LRRC4B: variants seen among roughly 807,000 people sequenced by gnomAD.
The protein encoded by LRRC4B is leucine rich repeat containing 4B, also known as leucine-rich repeat-containing protein 4B.
In LRRC4B, 1 loss-of-function variant was observed where a neutral mutation model predicts 7.3. The ratio of observed to expected loss-of-function variants is 0.14; its 90% CI spans 0.05 to 0.65. LRRC4B has a LOEUF of 0.65. Among genes scored for constraint, LRRC4B ranks in the 30% least tolerant of loss-of-function variants. LRRC4B has a pLI of 0.84. For missense variants in LRRC4B, 730 were observed against 1,041.6 expected (o/e 0.70, Z 4.12); for synonymous variants, 500 against 499.2 (o/e 1.00, Z -0.02).
chr19:50,535,070 G>A lies in LRRC4B; in HGVS notation c.297+13472C>T, dbSNP rs552196206. 1.1e-3 allele frequency among the ~76,000 whole-genome samples: 165 copies of A among 152,132 alleles called. 4 individuals carry two copies. In the East Asian group the frequency reaches 0.023, roughly 21 times the overall value. ...TTTTTAGTAGAGACAGGGTTTCACT[G>A]TGTTAGCCAGGATGGTCTCGATCTC... is the stretch of plus-strand genomic sequence containing the variant. On this transcript the variant is annotated intron_variant, in intron 2 of 2. Transcript: ENST00000652263.
At chr19:50,564,323 C>T (rs1022405230) in intron 1 of LRRC4B, among the ~76,000 whole-genome samples, 4 of 151,954 alleles carry the variant, frequency 2.6e-5, no homozygotes, top group South Asian at 2.1e-4. Context: ...TTGGGCCGCC[C>T]GGAGGACCCC....
intron 2 of LRRC4B, among the ~76,000 whole-genome samples, chr19:50,538,238 T>C (rs1189410000): frequency 6.6e-6 from 1 of 152,216 alleles, no homozygotes; most frequent in East Asian, 1.9e-4. Context: ...AATTTTTGTA[T>C]TTTTGGTAGA....
chr19:50,545,264 G>T (rs988700758), intron 2 of LRRC4B, among the ~76,000 whole-genome samples: 2 of 151,832 alleles, frequency 1.3e-5, no homozygotes, highest in African/African-American at 2.4e-5. Flanking sequence ...AAAATTAGCC[G>T]GGCGTGGTGG....
At position 50,518,890 on chromosome 19, in the gene LRRC4B, C is replaced by G; in HGVS notation, c.823G>C (p.Asp275His). 6.2e-7 allele frequency: 1 copy of G among 1,614,020 alleles called. No homozygotes were observed. Among genetic ancestry groups the G allele is most frequent in the Non-Finnish European group, 8.5e-7 (1 of 1,179,990 alleles). ...VATIERNAFD[D>H]LKSLEELNLS... ...TTGAGCTCCTCCAGCGACTTGAGGT[C>G]GTCGAAGGCGTTGCGCTCGATGGTG... The change falls in exon 3 of 3, where the codon GAC becomes CAC. Residue 275 changes from aspartate to histidine, a missense_variant. Physicochemically the swap from Asp to His is moderately conservative, Grantham distance 81. Around this residue, in one of 6 missense-constraint regions of LRRC4B, gnomAD observed 226 missense variants for 448.0 expected, o/e 0.50. Coordinates refer to ENST00000652263, the MANE Select transcript of LRRC4B (RefSeq NM_001080457.2).
rs1231653086 is a variant in LRRC4B at position 50,517,563 on chromosome 19, C to T, written c.*8G>A. On this transcript the variant is annotated 3_prime_UTR_variant, in exon 3 of 3. Transcript: ENST00000652263. The surrounding 1 kb of genome is among the most constrained non-coding windows in gnomAD (Gnocchi z 6.6). ...CTCCACGCCCCTCGCCCGCCCGGCC[C>T]CGCCGCCTCAGATCTGCGTCTCTTG... 1 of 1,421,266 alleles carries T rather than the reference C, an allele frequency of 7.0e-7. No homozygotes were observed. Among genetic ancestry groups the T allele is most frequent in the Middle Eastern group, 2.4e-4 (1 of 4,194 alleles). 88.0% of individuals were successfully genotyped at this position (1,421,266 alleles called of 1,614,324 possible). A position where few individuals can be genotyped will look rare whatever the true frequency, so the allele number is the denominator to read the frequency against.
At chr19:50,527,484 G>A (rs1021469351) in intron 2 of LRRC4B, among the ~76,000 whole-genome samples, 2 of 151,562 alleles carry the variant, frequency 1.3e-5, no homozygotes, top group African/African-American at 4.8e-5. Flanking sequence ...ATTCATTGTG[G>A]CTTGCTTTTT....
chr19:50,559,627 T>C (rs1291133488), intron 1 of LRRC4B, among the ~76,000 whole-genome samples: 2 of 152,168 alleles, frequency 1.3e-5, no homozygotes, highest in Non-Finnish European at 2.9e-5. Flanking sequence ...GTTTGCAGGT[T>C]GGGAGGGGCG....
At chr19:50,566,271 G>A (rs1392365918) in intron 1 of LRRC4B, among the ~76,000 whole-genome samples, 1 of 151,970 alleles carries the variant, frequency 6.6e-6, no homozygotes, top group African/African-American at 2.4e-5. Context: ...CCTGGAGCCC[G>A]AGTTCCTGTC....
At chr19:50,535,575 G>A (rs965337846) in intron 2 of LRRC4B, among the ~76,000 whole-genome samples, 3 of 152,166 alleles carry the variant, frequency 2.0e-5, no homozygotes, top group African/African-American at 4.8e-5. Flanking sequence ...TTTAAAAACC[G>A]TTATTTGTCA....
chr19:50,558,240 T>A (rs1241673844), intron 1 of LRRC4B, among the ~76,000 whole-genome samples: 2 of 135,678 alleles, frequency 1.5e-5, no homozygotes, highest in Admixed American at 1.4e-4. Context: ...CACACACACA[T>A]ACATACATAC....
At chr19:50,543,108 C>T (rs945629207) in intron 2 of LRRC4B, among the ~76,000 whole-genome samples, 3 of 152,020 alleles carry the variant, frequency 2.0e-5, no homozygotes, top group Non-Finnish European at 4.4e-5. Context: ...GGCAGGAGTT[C>T]GGGAGCTGGC....
At position 50,525,327 on chromosome 19, in the gene LRRC4B, T is replaced by C. The variant is rs1432664140; in HGVS notation, c.298-5912A>G. 3.3e-5 allele frequency among the ~76,000 whole-genome samples: 5 copies of C among 151,826 alleles called. No individual in the cohort carries two copies. In the South Asian group the frequency reaches 6.2e-4, roughly 19 times the overall value. On this transcript the variant is annotated intron_variant, in intron 2 of 2. Coordinates refer to ENST00000652263, the MANE Select transcript of LRRC4B (RefSeq NM_001080457.2). ...TCATTGTTATCGTTATCGTTGGCGT[T>C]GAGAAACTTGTACCATGCCCTTGGG...
chr19:50,560,066 C>T (rs1208792713), intron 1 of LRRC4B, among the ~76,000 whole-genome samples: 8 of 152,028 alleles, frequency 5.3e-5, no homozygotes, highest in African/African-American at 1.4e-4. Flanking sequence ...ACCTGGGAGG[C>T]GGAGGTTGCA....
chr19:50,530,737 TTTTG>T (rs1027685620), intron 2 of LRRC4B, among the ~76,000 whole-genome samples: 11 of 151,648 alleles, frequency 7.3e-5, no homozygotes, highest in Non-Finnish European at 7.4e-5. Context: ...TAGGCTCCTT[TTTTG>T]TTTTTTTTTT....
intron 2 of LRRC4B, among the ~76,000 whole-genome samples, chr19:50,543,289 C>G (rs1177067871): frequency 6.6e-6 from 1 of 151,864 alleles, no homozygotes; most frequent in Non-Finnish European, 1.5e-5. Context: ...GCTCTGGAAT[C>G]CCCAGAATTC....
At chr19:50,544,330 C>T (rs1981700472) in intron 2 of LRRC4B, among the ~76,000 whole-genome samples, 3 of 151,528 alleles carry the variant, frequency 2.0e-5, no homozygotes, top group East Asian at 2.0e-4. Flanking sequence ...CACAGTGAAA[C>T]CTCATCTCTA....
At chr19:50,545,721 CTTTTTTT>C (rs532216155) in intron 2 of LRRC4B, among the ~76,000 whole-genome samples, 4 of 131,954 alleles carry the variant, frequency 3.0e-5, no homozygotes, top group Admixed American at 7.6e-5. Flanking sequence ...AGAGTTATTA[CTTTTTTT>C]TTTTTTTTTT....
rs1982264264 is a variant in LRRC4B at position 50,556,041 on chromosome 19, TC to T, written c.-35-7169del. Among the ~76,000 whole-genome samples, 1 of 152,076 alleles carries T rather than the reference TC, an allele frequency of 6.6e-6. No individual in the cohort carries two copies. Among genetic ancestry groups the T allele is most frequent in the South Asian group, 2.1e-4 (1 of 4,826 alleles). On this transcript the variant is annotated intron_variant, in intron 1 of 2. Transcript: ENST00000652263. The surrounding 1 kb of genome is among the most constrained non-coding windows in gnomAD (Gnocchi z 4.2). ...CGCTGGCGTTCTGAGCCAATCCATG[TC>T]CTGAATGCTTTCAAAATAAAAGCAG... is the stretch of plus-strand genomic sequence containing the variant.
chr19:50,518,288 A>G lies in LRRC4B; in HGVS notation c.1425T>C (p.Gly475=), dbSNP rs755228401. 6.3e-6 allele frequency: 10 copies of G among 1,592,880 alleles called. No individual in the cohort carries two copies. Among genetic ancestry groups the G allele is most frequent in the African/African-American group, 2.7e-5 (2 of 74,180 alleles). ...GSGGGGPGGS[G]GVGGGSGGYT... ...AGCCGCCACTGCCCCCTCCAACACCACCACTGCCCCCAGGGCCGCCCCCGC... is the reference window on the plus strand; with the variant it reads ...AGCCGCCACTGCCCCCTCCAACACCGCCACTGCCCCCAGGGCCGCCCCCGC... Residue 475 remains glycine, a synonymous_variant, in exon 3 of 3, where the codon GGT becomes GGC. Transcript: ENST00000652263.
Sources: gnomAD v4.1 joint callset for allele counts (sites outside exome capture counted in the v4.1 genomes callset) on GRCh38, gnomAD v4.1.1 for gene constraint, gnomAD v4.1.1 regional missense constraint, Gnocchi (gnomAD v3.1) non-coding constraint, MANE v1.5 for transcripts, NCBI Gene and HGNC (gene_info 2026-07-23, HGNC 2026-07-21) for gene names.